SPTBN1: variants seen among roughly 807,000 people sequenced by gnomAD.
The protein encoded by SPTBN1 is spectrin beta, non-erythrocytic 1.
A neutral mutation model predicts 266.4 loss-of-function variants in SPTBN1; 32 were observed. The ratio of observed to expected loss-of-function variants is 0.12; its 90% CI spans 0.09 to 0.16. The LOEUF is 0.16. Ranked by LOEUF, SPTBN1 falls within the 10% of genes least tolerant of loss-of-function variation. SPTBN1 has a pLI of 1.00. For missense variants in SPTBN1, 2,296 were observed against 3,067.1 expected (o/e 0.75, Z 5.94); for synonymous variants, 1,336 against 1,162.2 (o/e 1.15, Z -3.04).
At chr2:54,518,735 GC>G (rs1203126507) in intron 1 of SPTBN1, among the ~76,000 whole-genome samples, 2 of 152,146 alleles carry the variant, frequency 1.3e-5, no homozygotes, top group Non-Finnish European at 2.9e-5. Context: ...AAAAGGACTG[GC>G]AAACATTGGT....
chr2:54,491,670 G>T (rs929918866), intron 1 of SPTBN1, among the ~76,000 whole-genome samples: 10 of 152,002 alleles, frequency 6.6e-5, no homozygotes, highest in African/African-American at 2.4e-4. Context: ...CTTCACTGCA[G>T]TCTCAACCTC....
At chr2:54,530,976 C>T (rs1347736229) in intron 2 of SPTBN1, among the ~76,000 whole-genome samples, 2 of 152,186 alleles carry the variant, frequency 1.3e-5, no homozygotes, top group Non-Finnish European at 2.9e-5. Flanking sequence ...CTTTCAGCAT[C>T]ATCCACTCAT....
rs546692013 is a variant in SPTBN1, at chr2:54,610,968, A to G, written c.301-1193A>G. Among the ~76,000 whole-genome samples, 5 of 152,360 alleles carry G rather than the reference A, an allele frequency of 3.3e-5. No individual in the cohort carries two copies. In the South Asian group the frequency reaches 1.0e-3, roughly 32 times the overall value. ...CATAGGCATTTTAAGTAGGCACTCAACAATACTTGAGCTCATCACAGTAGG... is the reference window on the plus strand; with the variant it reads ...CATAGGCATTTTAAGTAGGCACTCAGCAATACTTGAGCTCATCACAGTAGG... On this transcript the variant is annotated intron_variant, in intron 3 of 35. Transcript: ENST00000356805.
intron 1 of SPTBN1, among the ~76,000 whole-genome samples, chr2:54,459,286 G>T (rs1693234514): frequency 6.6e-6 from 1 of 152,196 alleles, no homozygotes; most frequent in Non-Finnish European, 1.5e-5. Context: ...TTTCTGTGAA[G>T]AACTTCTCTT....
chr2:54,505,808 C>G (rs909028675), intron 1 of SPTBN1, among the ~76,000 whole-genome samples: 15 of 152,262 alleles, frequency 9.9e-5, no homozygotes, highest in African/African-American at 3.1e-4. Context: ...GTTTTTCTCT[C>G]TTCCAACCTT....
chr2:54,661,857 A>G (rs1194565556), intron 32 of SPTBN1: 6 of 985,322 alleles, frequency 6.1e-6, no homozygotes, highest in South Asian at 4.7e-5. Flanking sequence ...AAAGAGTGCT[A>G]TGATGTTCTT....
chr2:54,628,200 G>A lies in SPTBN1; in HGVS notation c.1748G>A (p.Arg583Gln), dbSNP rs563038561. Residue 583 changes from arginine (R) to glutamine (Q), a missense_variant, in exon 13 of 36, where the codon CGG becomes CAG. Arg to Gln is a conservative substitution (Grantham distance 43). Coordinates refer to ENST00000356805, the MANE Select transcript of SPTBN1 (RefSeq NM_003128.3). This position sits in a 1 kb window ranked among gnomAD's most constrained non-coding sequence, Gnocchi z 4.3. Reference protein sequence around the residue: ...VEADIGIQAERVRGVNASAQK... With the variant: ...VEADIGIQAEQVRGVNASAQK... Reference sequence around the variant, plus strand: ...GCAGACATTGGCATCCAGGCAGAGCGGGTGAGAGGTGTCAATGCCTCCGCC... The same window carrying A: ...GCAGACATTGGCATCCAGGCAGAGCAGGTGAGAGGTGTCAATGCCTCCGCC... 27 of 1,613,902 alleles carry A rather than the reference G, an allele frequency of 1.7e-5. No homozygotes were observed. Among genetic ancestry groups the A allele is most frequent in the South Asian group, 2.2e-5 (2 of 91,074 alleles).
chr2:54,559,563 T>G (rs1673136783), intron 2 of SPTBN1, among the ~76,000 whole-genome samples: 1 of 152,214 alleles, frequency 6.6e-6, no homozygotes, highest in South Asian at 2.1e-4. Context: ...AATATTTTAC[T>G]GAACATATTT....
At chr2:54,585,884 G>C (rs2104597251) in intron 2 of SPTBN1, among the ~76,000 whole-genome samples, 1 of 152,284 alleles carries the variant, frequency 6.6e-6, no homozygotes, top group African/African-American at 2.4e-5. Context: ...GGAATAGTTG[G>C]CTGAGTTGAA....
chr2:54,648,727 A>G (rs563656374), intron 24 of SPTBN1, among the ~76,000 whole-genome samples: 51 of 152,298 alleles, frequency 3.3e-4, no homozygotes, highest in African/African-American at 1.2e-3. Flanking sequence ...ATGAGGCACT[A>G]CCCATCCCTA....
chr2:54,639,078 C>T (rs151237394), intron 18 of SPTBN1, among the ~76,000 whole-genome samples: 6 of 152,276 alleles, frequency 3.9e-5, no homozygotes, highest in Admixed American at 6.5e-5. Flanking sequence ...GGGATTTGCC[C>T]GGAGCCAGAC....
intron 1 of SPTBN1, among the ~76,000 whole-genome samples, chr2:54,485,813 C>G (rs1305868072): frequency 6.7e-6 from 1 of 148,664 alleles, no homozygotes; most frequent in Non-Finnish European, 1.5e-5. Context: ...CGCCCGTCGT[C>G]TGAGATGTGG....
At chr2:54,608,047 T>C (rs1244267114) in intron 3 of SPTBN1, among the ~76,000 whole-genome samples, 1 of 152,200 alleles carries the variant, frequency 6.6e-6, no homozygotes, top group Admixed American at 6.5e-5. Flanking sequence ...TAGGGCTGGC[T>C]GCTGCCCTTA....
chr2:54,608,826 T>A (rs1297144621), intron 3 of SPTBN1, among the ~76,000 whole-genome samples: 1 of 152,206 alleles, frequency 6.6e-6, no homozygotes, highest in East Asian at 1.9e-4. Flanking sequence ...TAGCCTACTG[T>A]TGTCTTATCA....
At chr2:54,522,678 G>GAGAGAGAGA (rs370803474) in intron 1 of SPTBN1, among the ~76,000 whole-genome samples, 20 of 78,502 alleles carry the variant, frequency 2.5e-4, no homozygotes, top group Middle Eastern at 5.1e-3. Flanking sequence ...GAGAGAGAGA[G>GAGAGAGAGA]GAGAGAGAGA....
chr2:54,483,190 C>T (rs975389463), intron 1 of SPTBN1, among the ~76,000 whole-genome samples: 2 of 152,134 alleles, frequency 1.3e-5, no homozygotes, highest in African/African-American at 4.8e-5. Flanking sequence ...AATAGTTTGC[C>T]TCTGCTGGCT....
At position 54,547,659 on chromosome 2, in the gene SPTBN1, G is replaced by T. The variant is rs948018494; in HGVS notation, c.148+21093G>T. ...TCAAAATACGATATAATGGAAAAAA[G>T]GCACCAACGTGGTCTCAAATTGTGT... On this transcript the variant is annotated intron_variant, in intron 2 of 35. Transcript: ENST00000356805. Among the ~76,000 whole-genome samples, 4 of 152,288 alleles carry T rather than the reference G, an allele frequency of 2.6e-5. No individual in the cohort carries two copies. The East Asian group carries it at 7.7e-4, about 29-fold the overall frequency.
chr2:54,619,477 C>T (rs55712045), intron 7 of SPTBN1, among the ~76,000 whole-genome samples: 3,247 of 152,164 alleles, frequency 0.021, 45 homozygotes, highest in Non-Finnish European at 0.033. Context: ...TTTCAATCAC[C>T]GCCCAGTATG....
chr2:54,558,233 G>C lies in SPTBN1; in HGVS notation c.148+31667G>C. On this transcript the variant is annotated intron_variant, in intron 2 of 35. Transcript: ENST00000356805. The surrounding 1 kb of genome is among the most constrained non-coding windows in gnomAD (Gnocchi z 4.6). ...CGCGGACCGTGCGGGACCGGTAGGG[G>C]GTCGCGGGCCGGCTAGGCTCCCCCG... The C allele has an allele frequency of 1.0e-6, 1 of 985,352 alleles. No homozygotes were observed. Among genetic ancestry groups the C allele is most frequent in the Non-Finnish European group, 1.2e-6 (1 of 829,898 alleles). 61.0% of individuals were successfully genotyped at this position (985,352 alleles called of 1,614,324 possible).
Sources: gnomAD v4.1 joint callset for allele counts (sites outside exome capture counted in the v4.1 genomes callset) on GRCh38, gnomAD v4.1.1 for gene constraint, Gnocchi (gnomAD v3.1) non-coding constraint, MANE v1.5 for transcripts, NCBI Gene and HGNC (gene_info 2026-07-23, HGNC 2026-07-21) for gene names.